The following EPB41L2 variants were observed in gnomAD, a reference collection of about 807,000 sequenced individuals.
The protein encoded by EPB41L2 is band 4.1-like protein 2.
EPB41L2 carries 43 observed loss-of-function variants against 113.0 expected under a neutral mutation model. The ratio of observed to expected loss-of-function variants is 0.38; its 90% CI spans 0.30 to 0.49. The LOEUF (loss-of-function observed/expected upper bound fraction) is 0.49. Among genes scored for constraint, EPB41L2 ranks in the 20% least tolerant of loss-of-function variants. The pLI is 0.95. For synonymous variants in EPB41L2, 442 were observed against 436.7 expected (o/e 1.01, Z -0.15); for missense variants, 1,147 against 1,223.4 (o/e 0.94, Z 0.93).
At chr6:131,041,000 G>T (rs944983825) in intron 1 of EPB41L2, among the ~76,000 whole-genome samples, 1 of 152,138 alleles carries the variant, frequency 6.6e-6, no homozygotes, top group Admixed American at 6.5e-5. Flanking sequence ...GAAAAAGGAA[G>T]GAGAAGAACT....
chr6:131,024,312 T>G lies in EPB41L2; in HGVS notation c.-15+38843A>C, dbSNP rs537325479. Among the ~76,000 whole-genome samples, 3 of 152,266 alleles carry G rather than the reference T, an allele frequency of 2.0e-5. No homozygotes were observed. The East Asian group carries it at 5.8e-4, about 29-fold the overall frequency. On this transcript the variant is annotated intron_variant, in intron 1 of 19. Transcript: ENST00000337057. ...AAGTAAATGAGTCATTTGATATCAC[T>G]CGTGTGTTGGGTTTATGGTTAAGAG...
intron 1 of EPB41L2, among the ~76,000 whole-genome samples, chr6:131,025,493 T>C (rs1165667241): frequency 1.3e-5 from 2 of 152,150 alleles, no homozygotes; most frequent in Non-Finnish European, 2.9e-5. Flanking sequence ...ATCGGCAAAG[T>C]CACAGTATCA....
At chr6:130,874,989 T>C (rs539094750) in intron 14 of EPB41L2, among the ~76,000 whole-genome samples, 4 of 152,342 alleles carry the variant, frequency 2.6e-5, no homozygotes, top group Admixed American at 6.5e-5. Context: ...AAAGTCCTCA[T>C]TATACACATG....
intron 1 of EPB41L2, among the ~76,000 whole-genome samples, chr6:130,989,002 T>C (rs986149398): frequency 3.9e-5 from 6 of 152,186 alleles, no homozygotes; most frequent in East Asian, 1.9e-4. Flanking sequence ...GGTGGGAGAA[T>C]TGCTTGAACC....
chr6:130,953,618 T>C (rs1816070946), intron 3 of EPB41L2, among the ~76,000 whole-genome samples: 1 of 151,960 alleles, frequency 6.6e-6, no homozygotes, highest in Non-Finnish European at 1.5e-5. Context: ...TATACATATG[T>C]AACAAACCTG....
At chr6:131,011,197 C>T (rs1176612345) in intron 1 of EPB41L2, among the ~76,000 whole-genome samples, 6 of 152,162 alleles carry the variant, frequency 3.9e-5, no homozygotes, top group Admixed American at 3.3e-4. Context: ...GAACTATCTA[C>T]AGAAAGCCAT....
At chr6:131,062,255 T>G (rs1304373135) in intron 1 of EPB41L2, 1 of 151,468 alleles carries the variant, frequency 6.6e-6, no homozygotes, top group African/African-American at 2.4e-5. Context: ...GAAGCATAAC[T>G]GATGTCCCAC....
chr6:130,970,367 A>C (rs1445199604), intron 1 of EPB41L2: 2 of 152,214 alleles, frequency 1.3e-5, no homozygotes, highest in Admixed American at 1.3e-4. Context: ...CCAGCGTCCA[A>C]AAGCTTAACG....
At chr6:130,858,045 T>TA in intron 19 of EPB41L2, 86 bp downstream of exon 19, 2 of 1,039,702 alleles carry the variant, frequency 1.9e-6, no homozygotes, top group Admixed American at 3.4e-5. Context: ...AAGACACTGA[T>TA]ATGAACTTTC....
chr6:130,889,975 G>C (rs1052202454), intron 11 of EPB41L2, among the ~76,000 whole-genome samples: 2 of 151,964 alleles, frequency 1.3e-5, no homozygotes, highest in African/African-American at 4.8e-5. Context: ...GCTCCAATAA[G>C]CATTTCCTTA....
Position 130,894,822 on chromosome 6 carries a change from T to G in EPB41L2, c.1389+145A>C, listed in dbSNP as rs1041561013. The stretch of plus-strand genomic sequence containing the variant: ...GACCAGACGTATATATACTGCAATT[T>G]TACCATTAAGAACCCTGACCTTTTA... On this transcript the variant is annotated intron_variant, in intron 9 of 19. Coordinates refer to ENST00000337057, the MANE Select transcript of EPB41L2 (RefSeq NM_001431.4). The G allele has an allele frequency of 4.1e-5, 38 of 933,620 alleles. 1 individual carries two copies. The highest frequency in any genetic ancestry group is 5.2e-5 in the Non-Finnish European group (34 of 658,976). The allele number at this position is 933,620 out of a possible 1,614,324, so 57.8% of individuals were successfully genotyped here. A position where few individuals can be genotyped will look rare whatever the true frequency, so the allele number is the denominator to read the frequency against.
At chr6:130,941,952 A>T (rs1418923691) in intron 3 of EPB41L2, among the ~76,000 whole-genome samples, 1 of 152,240 alleles carries the variant, frequency 6.6e-6, no homozygotes, top group African/African-American at 2.4e-5. Context: ...AGCATAATTA[A>T]ATAAATATTT....
chr6:131,023,078 T>C (rs1424497197), intron 1 of EPB41L2, among the ~76,000 whole-genome samples: 2 of 152,190 alleles, frequency 1.3e-5, no homozygotes, highest in African/African-American at 2.4e-5. Flanking sequence ...AAAATGAATA[T>C]AGTATGTCCT....
At chr6:130,909,731 A>G (rs1351759969) in intron 4 of EPB41L2, among the ~76,000 whole-genome samples, 2 of 152,216 alleles carry the variant, frequency 1.3e-5, no homozygotes, top group South Asian at 4.1e-4. Context: ...AAGCATTCCT[A>G]TACACCAATA....
At chr6:131,051,018 T>A (rs954654415) in intron 1 of EPB41L2, among the ~76,000 whole-genome samples, 22 of 152,180 alleles carry the variant, frequency 1.4e-4, no homozygotes, top group African/African-American at 5.3e-4. Flanking sequence ...ATTTGGTGAG[T>A]ATGTATTGTT....
intron 13 of EPB41L2, 105 bp downstream of exon 13, chr6:130,880,039 A>C: frequency 6.4e-6 from 5 of 780,400 alleles, no homozygotes; most frequent in Non-Finnish European, 1.1e-5. Flanking sequence ...CATGCACTGC[A>C]TGCACCGTGC....
chr6:131,042,010 G>A (rs537548897), intron 1 of EPB41L2, among the ~76,000 whole-genome samples: 2 of 152,302 alleles, frequency 1.3e-5, no homozygotes, highest in Admixed American at 1.3e-4. Flanking sequence ...TGAATGAAGT[G>A]ATAAACTGTG....
intron 3 of EPB41L2, among the ~76,000 whole-genome samples, chr6:130,941,346 G>A (rs1428919507): frequency 6.6e-6 from 1 of 152,116 alleles, no homozygotes; most frequent in South Asian, 2.1e-4. Flanking sequence ...TTAAAAGACG[G>A]AGAATTGACT....
chr6:130,916,536 C>T (rs767459983), intron 4 of EPB41L2, among the ~76,000 whole-genome samples: 15 of 152,246 alleles, frequency 9.9e-5, no homozygotes, highest in South Asian at 4.1e-4. Flanking sequence ...ATTTGGGGAA[C>T]GGCCTAACTC....
Sources: gnomAD v4.1 joint callset for allele counts (sites outside exome capture counted in the v4.1 genomes callset) on GRCh38, gnomAD v4.1.1 for gene constraint, MANE v1.5 for transcripts, NCBI Gene and HGNC (gene_info 2026-07-23, HGNC 2026-07-21) for gene names.